Variants in ABCB4 observed in about 807,000 individuals in gnomAD.
ABCB4 encodes phosphatidylcholine translocator ABCB4.
ABCB4 carries 76 observed loss-of-function variants against 145.7 expected under a neutral mutation model. That is an observed-to-expected ratio of 0.52 (90% CI 0.43 to 0.63). The LOEUF is 0.63. Ranked by LOEUF, ABCB4 falls within the 30% of genes least tolerant of loss-of-function variation. The pLI is 0.00. For synonymous variants in ABCB4, 517 were observed against 566.8 expected (o/e 0.91, Z 1.25); for missense variants, 1,234 against 1,553.1 (o/e 0.79, Z 3.45).
At chr7:87,435,165 C>G (rs951144391) in intron 14 of ABCB4, among the ~76,000 whole-genome samples, 7 of 152,284 alleles carry the variant, frequency 4.6e-5, no homozygotes, top group African/African-American at 1.7e-4. Context: ...GAGTGACTGG[C>G]TAACTGATTG....
chr7:87,406,375 T>A lies in ABCB4; in HGVS notation c.3399A>T (p.Gly1133=). ...DCSIAENIAY[G]DNSRVVSQDE... is the part of the protein sequence containing the mutation. ...CCTGTGATACAACCCGGCTGTTGTCTCCATAGGCAATATTCTCGGCAATGC... is the reference window on the plus strand; with the variant it reads ...CCTGTGATACAACCCGGCTGTTGTCACCATAGGCAATATTCTCGGCAATGC... Residue 1133 remains glycine (G), a synonymous_variant, in exon 26 of 28, where the codon GGA becomes GGT. Coordinates refer to ENST00000649586, the MANE Select transcript of ABCB4 (RefSeq NM_000443.4). 1 of 1,614,038 alleles carries A rather than the reference T, an allele frequency of 6.2e-7. No individual in the cohort carries two copies.
At chr7:87,430,629 A>G (rs578002589) in intron 15 of ABCB4, among the ~76,000 whole-genome samples, 57 of 152,080 alleles carry the variant, frequency 3.7e-4, no homozygotes, top group African/African-American at 1.3e-3. Flanking sequence ...GATTCAAGCG[A>G]TTCTCCTGCC....
the ABCB4 span, chr7:87,376,034 T>C: frequency 7.3e-7 from 1 of 1,371,824 alleles, no homozygotes; most frequent in Non-Finnish European, 9.8e-7. Flanking sequence ...AAGTTTTTTT[T>C]CTTTTTCTAC....
At chr7:87,391,588 G>C in the ABCB4 span, 1 of 1,587,482 alleles carries the variant, frequency 6.3e-7, no homozygotes, top group Non-Finnish European at 8.5e-7. Flanking sequence ...TTTTCTTGTA[G>C]CCCTGGTTGT....
chr7:87,449,079 C>T (rs1168348966), intron 8 of ABCB4, among the ~76,000 whole-genome samples: 2 of 152,142 alleles, frequency 1.3e-5, no homozygotes, highest in African/African-American at 2.4e-5. Context: ...AAGATGTATA[C>T]ACAGCTTTTC....
At chr7:87,386,660 G>C in the ABCB4 span, among the ~76,000 whole-genome samples, 3 of 152,170 alleles carry the variant, frequency 2.0e-5, no homozygotes, top group African/African-American at 7.2e-5. Flanking sequence ...TGGAGTGTCT[G>C]CAACGAAAGG....
In ABCB4 at chr7:87,440,316, C is replaced by T. The variant is rs746551593; in HGVS notation, c.1443G>A (p.Leu481=). 5 of 1,613,998 alleles carry T rather than the reference C, an allele frequency of 3.1e-6. No individual in the cohort carries two copies. The highest frequency in any genetic ancestry group is 4.2e-6 in the Non-Finnish European group (5 of 1,180,028). Residue 481 remains leucine, a synonymous_variant, in exon 13 of 28, where the codon CTG becomes CTA. Coordinates refer to ENST00000649586, the MANE Select transcript of ABCB4 (RefSeq NM_000443.4). ...TATTTTCAGCAATTGTGGTGGAAAA[C>T]AGCACCGGCTCCTGACTCACCACAC... The part of the protein sequence containing the change: ...IIGVVSQEPV[L]FSTTIAENIC...
chr7:87,398,578 G>C, downstream of ABCB4: 1 of 1,613,826 alleles, frequency 6.2e-7, no homozygotes, highest in Non-Finnish European at 8.5e-7. Flanking sequence ...ATGCGGAAAA[G>C]CTAGTTCAGC....
intron 3 of ABCB4, among the ~76,000 whole-genome samples, chr7:87,468,343 C>A (rs1284809242): frequency 4.6e-5 from 7 of 152,072 alleles, no homozygotes; most frequent in African/African-American, 1.7e-4. Context: ...AAGACTAAAC[C>A]AGGAAGAAGT....
intron 9 of ABCB4, among the ~76,000 whole-genome samples, chr7:87,446,445 T>C (rs1396378068): frequency 1.3e-5 from 2 of 152,172 alleles, no homozygotes; most frequent in East Asian, 1.9e-4. Context: ...CTGGAAGATA[T>C]ATGCCAAAAA....
chr7:87,448,743 A>C (rs1230395322), intron 8 of ABCB4: 1 of 152,252 alleles, frequency 6.6e-6, no homozygotes, highest in African/African-American at 2.4e-5. Flanking sequence ...GAGAGAAAAA[A>C]GGAAGAGGTT....
chr7:87,392,898 A>C, the ABCB4 span: 1 of 1,612,140 alleles, frequency 6.2e-7, no homozygotes, highest in Non-Finnish European at 8.5e-7. Flanking sequence ...TTTAGAAACA[A>C]TATAAGCATC....
intron 3 of ABCB4, among the ~76,000 whole-genome samples, chr7:87,470,031 A>G (rs1813248369): frequency 6.6e-6 from 1 of 152,180 alleles, no homozygotes; most frequent in Non-Finnish European, 1.5e-5. Flanking sequence ...ATATAGACCA[A>G]TGGAACAGAA....
chr7:87,435,613 C>T (rs1027196146), intron 14 of ABCB4, among the ~76,000 whole-genome samples: 1 of 152,236 alleles, frequency 6.6e-6, no homozygotes, highest in Non-Finnish European at 1.5e-5. Context: ...CCATCCCCAA[C>T]TGCCAGGCAC....
chr7:87,377,582 T>G, the ABCB4 span: 1 of 585,988 alleles, frequency 1.7e-6, no homozygotes, highest in Non-Finnish European at 3.0e-6. Flanking sequence ...GGTGAAAAGT[T>G]TAGTTATGAA....
intron 8 of ABCB4, among the ~76,000 whole-genome samples, 176 bp from the exon 9 acceptor site, chr7:87,447,381 A>G (rs1228960220): frequency 6.6e-6 from 1 of 152,202 alleles, no homozygotes; most frequent in East Asian, 1.9e-4. Context: ...CCAGGCCTAG[A>G]ACAGATCCAA....
the ABCB4 span, chr7:87,377,547 T>C: frequency 1.5e-6 from 1 of 686,668 alleles, no homozygotes; most frequent in Non-Finnish European, 2.5e-6. Flanking sequence ...TGTAAGTGAA[T>C]AGTAATTTAG....
chr7:87,378,921 C>T, the ABCB4 span, among the ~76,000 whole-genome samples: 1 of 152,318 alleles, frequency 6.6e-6, no homozygotes, highest in East Asian at 1.9e-4. Flanking sequence ...TGGAGTATCT[C>T]ATCAGAGCTA....
intron 7 of ABCB4, 139 bp downstream of exon 7, chr7:87,451,484 T>C (rs1811727499): frequency 5.6e-6 from 5 of 899,602 alleles, no homozygotes; most frequent in Non-Finnish European, 6.9e-6. Context: ...GAAAGCATCA[T>C]ATTAACACCA....
Sources: gnomAD v4.1 joint callset for allele counts (sites outside exome capture counted in the v4.1 genomes callset) on GRCh38, gnomAD v4.1.1 for gene constraint, MANE v1.5 for transcripts, NCBI Gene and HGNC (gene_info 2026-07-23, HGNC 2026-07-21) for gene names.